PER3: variants seen among roughly 807,000 people sequenced by gnomAD.
PER3 encodes the protein period circadian regulator 3.
In PER3, 107 loss-of-function variants were observed where a neutral mutation model predicts 127.2. The observed-to-expected ratio is 0.84, with a 90% confidence interval of 0.72 to 0.99. PER3 has a LOEUF of 0.99. Among genes scored for constraint, PER3 ranks in the 50% least tolerant of loss-of-function variants. PER3 has a pLI of 0.00. For missense variants in PER3, 1,560 were observed against 1,525.8 expected (o/e 1.02, Z -0.37); for synonymous variants, 618 against 585.8 (o/e 1.05, Z -0.79).
intron 13 of PER3, among the ~76,000 whole-genome samples, chr1:7,815,419 T>C (rs2097243307): frequency 1.3e-5 from 2 of 152,198 alleles, no homozygotes; most frequent in South Asian, 4.1e-4. Context: ...AGCGGGAAGC[T>C]GTATTATTAC....
intron 21 of PER3, among the ~76,000 whole-genome samples, chr1:7,841,439 G>A (rs903063984): frequency 1.3e-5 from 2 of 152,140 alleles, no homozygotes; most frequent in African/African-American, 4.8e-5. Context: ...ACTCCCACAA[G>A]CTGTGTGCAG....
At chr1:7,824,391 C>G (rs1191758831) in intron 16 of PER3, among the ~76,000 whole-genome samples, 4 of 152,142 alleles carry the variant, frequency 2.6e-5, no homozygotes, top group Non-Finnish European at 5.9e-5. Context: ...GGTCTTGGTT[C>G]ATGTAGCTGT....
chr1:7,838,366 A>C (rs754781044), intron 21 of PER3, among the ~76,000 whole-genome samples: 4 of 152,030 alleles, frequency 2.6e-5, no homozygotes, highest in African/African-American at 9.6e-5. Flanking sequence ...TAACTTCCCC[A>C]TTCCTCCTTC....
At chr1:7,819,861 T>C (rs1439088157) in intron 14 of PER3, among the ~76,000 whole-genome samples, 1 of 152,078 alleles carries the variant, frequency 6.6e-6, no homozygotes, top group African/African-American at 2.4e-5. Context: ...CTAAGACAAT[T>C]ATTCTTCTTC....
At chr1:7,834,005 C>T (rs755633053) in intron 19 of PER3, among the ~76,000 whole-genome samples, 1 of 152,098 alleles carries the variant, frequency 6.6e-6, no homozygotes, top group Non-Finnish European at 1.5e-5. Flanking sequence ...TCACTGCACC[C>T]TCCACCTCCT....
At position 7,806,803 on chromosome 1, in the gene PER3, A is replaced by AT. The variant is rs1220678786; in HGVS notation, c.1137-2090_1137-2089insT. ...AGCAAGACCCTGTCTCTTAAAAAAA[A>AT]AAAAAAAAAATATATATATATATAT... On this transcript the variant is annotated intron_variant, in intron 10 of 21. Coordinates refer to ENST00000377532, the MANE Select transcript of PER3 (RefSeq NM_001377275.1). Among the ~76,000 whole-genome samples, 4 of 78,464 alleles carry AT rather than the reference A, an allele frequency of 5.1e-5. No individual in the cohort carries two copies. The East Asian group carries it at 1.9e-3, about 37-fold the overall frequency. 51.5% of individuals were successfully genotyped at this position (78,464 alleles called of 152,430 possible). A position where few individuals can be genotyped will look rare whatever the true frequency, so the allele number is the denominator to read the frequency against.
rs571514100 is a variant in PER3 at position 7,784,471 on chromosome 1, A to C, written c.-225+95A>C. ...GAGCCCCGCGAGCCCTGCCCTCGGT[A>C]CTGGGGGCCCCCGGAGCGTGGCGCT... On this transcript the variant is annotated intron_variant, in intron 1 of 21. Coordinates refer to ENST00000377532, the MANE Select transcript of PER3 (RefSeq NM_001377275.1). The C allele has an allele frequency of 9.0e-3, 1,396 of 154,916 alleles. 11 individuals are homozygous for C. The highest frequency in any genetic ancestry group is 0.015 in the Non-Finnish European group (1,071 of 69,974). 9.6% of individuals were successfully genotyped at this position (154,916 alleles called of 1,614,324 possible).
intron 21 of PER3, among the ~76,000 whole-genome samples, chr1:7,837,870 G>A (rs1360049632): frequency 1.3e-5 from 2 of 152,122 alleles, no homozygotes; most frequent in Non-Finnish European, 1.5e-5. Flanking sequence ...TGGAGACCAC[G>A]CTGGGCAGCA....
At chr1:7,833,582 G>A (rs1051195813) in intron 19 of PER3, among the ~76,000 whole-genome samples, 2 of 152,016 alleles carry the variant, frequency 1.3e-5, no homozygotes, top group Non-Finnish European at 1.5e-5. Flanking sequence ...GTGTTTACAT[G>A]GTAAATTTTT....
chr1:7,827,371 C>T lies in PER3; in HGVS notation c.2442C>T (p.Ala814=), dbSNP rs778024468. 11 of 1,614,124 alleles carry T rather than the reference C, an allele frequency of 6.8e-6. No individual in the cohort carries two copies. The highest frequency in any genetic ancestry group is 1.3e-5 in the African/African-American group (1 of 75,066). ...TCGTCCCAGCTTTTCCCCTCCCAGC[C>T]GCGACCTCACCCGGAAGAGAATACG... ...PYLVPAFPLP[A]ATSPGREYAA... The change falls in exon 18 of 22, where the codon GCC becomes GCT. Residue 814 remains alanine, a synonymous_variant. Coordinates refer to ENST00000377532, the MANE Select transcript of PER3 (RefSeq NM_001377275.1).
chr1:7,785,713 T>TACGGCGACCTCC, intron 3 of PER3, 127 bp downstream of exon 3: 1 of 705,882 alleles, frequency 1.4e-6, no homozygotes, highest in South Asian at 2.0e-5. Flanking sequence ...TTGTGGAAGA[T>TACGGCGACCTCC]GAGCAAATCT....
chr1:7,807,792 A>G (rs2097201339), intron 10 of PER3, among the ~76,000 whole-genome samples: 1 of 152,216 alleles, frequency 6.6e-6, no homozygotes, highest in Non-Finnish European at 1.5e-5. Context: ...TCTGGAGCCC[A>G]GACTCTGGTC....
At chr1:7,801,772 G>A (rs493282) in intron 8 of PER3, among the ~76,000 whole-genome samples, 147,165 of 152,280 alleles carry the variant, frequency 0.97, 71,132 homozygotes, top group East Asian at 1. Context: ...CTGTTTTTTA[G>A]TATCTTTATT....
chr1:7,799,569 C>G (rs1228720870), intron 7 of PER3, among the ~76,000 whole-genome samples: 5 of 146,480 alleles, frequency 3.4e-5, no homozygotes, highest in African/African-American at 1.3e-4. Context: ...GAGATCACAC[C>G]ATTGCACTCC....
intron 13 of PER3, chr1:7,810,859 A>C: frequency 3.7e-6 from 1 of 268,676 alleles, no homozygotes; most frequent in Non-Finnish European, 6.9e-6. Flanking sequence ...AATACCAACG[A>C]ATTATAGATT....
chr1:7,785,132 C>A lies in PER3; in HGVS notation c.128+127C>A, dbSNP rs934924012. The A allele has an allele frequency of 1.2e-5, 12 of 1,007,230 alleles. No homozygotes were observed. The East Asian group carries it at 1.7e-4, about 14-fold the overall frequency. 62.4% of individuals were successfully genotyped at this position (1,007,230 alleles called of 1,614,324 possible). On this transcript the variant is annotated intron_variant, in intron 2 of 21. Coordinates refer to ENST00000377532, the MANE Select transcript of PER3 (RefSeq NM_001377275.1). ...CAGGGGAAAGTGTAAAGGGGAGACT[C>A]GGGCAATGTAGGATGAAGTGATCCG...
At position 7,788,083 on chromosome 1, in the gene PER3, G is replaced by C. The variant is rs768430140; in HGVS notation, c.429G>C (p.Arg143Ser). 5.6e-6 allele frequency: 9 copies of C among 1,613,674 alleles called. No individual in the cohort carries two copies. The highest frequency in any genetic ancestry group is 7.6e-6 in the Non-Finnish European group (9 of 1,179,714). ...CAGTATTTTCATTTCTGTCTGGAAG[G>C]TTAGTGCACATTTCTGAACAGGCTG... is the stretch of plus-strand genomic sequence containing the variant. Reference protein sequence around the residue: ...FVAVFSFLSGRLVHISEQAAL... With the variant: ...FVAVFSFLSGSLVHISEQAAL... Residue 143 changes from arginine to serine, a missense_variant, in exon 5 of 22, where the codon AGG (arginine) becomes AGC (serine). Transcript: ENST00000377532.
At position 7,826,762 on chromosome 1, in the gene PER3, CTG is replaced by C. The variant is rs780403453; in HGVS notation, c.2188+54_2188+55del. ...CATTAATCTATGTAAATGTTACAAA[CTG>C]TATCTAAGGACTAGGAGATAAGGAG... On this transcript the variant is annotated intron_variant, in intron 17 of 21. Transcript: ENST00000377532. This position sits in a 1 kb window ranked among gnomAD's most constrained non-coding sequence, Gnocchi z 4.2. 1.0e-5 allele frequency: 11 copies of C among 1,089,226 alleles called. No homozygotes were observed. The highest frequency in any genetic ancestry group is 2.5e-5 in the East Asian group (1 of 40,348). The allele number at this position is 1,089,226 out of a possible 1,614,324, so 67.5% of individuals were successfully genotyped here.
rs1464797794 is a variant in PER3 at position 7,810,599 on chromosome 1, C to T, written c.1522+11C>T. ...CAGCGAATGGTGGTGGTGAGTCAGCCGGCAGCCCCAAGGATCTCCTTCCAT... is the reference window on the plus strand; with the variant it reads ...CAGCGAATGGTGGTGGTGAGTCAGCTGGCAGCCCCAAGGATCTCCTTCCAT... On this transcript the variant is annotated intron_variant, in intron 13 of 21. Transcript: ENST00000377532. The T allele has an allele frequency of 5.6e-6, 9 of 1,601,492 alleles. No individual in the cohort carries two copies. The East Asian group carries it at 1.3e-4, about 24-fold the overall frequency.
Sources: gnomAD v4.1 joint callset for allele counts (sites outside exome capture counted in the v4.1 genomes callset) on GRCh38, gnomAD v4.1.1 for gene constraint, Gnocchi (gnomAD v3.1) non-coding constraint, MANE v1.5 for transcripts, NCBI Gene and HGNC (gene_info 2026-07-23, HGNC 2026-07-21) for gene names.